Variants in PLA2G6 observed in about 807,000 individuals in gnomAD.
PLA2G6 encodes phospholipase A2 group VI.
A neutral mutation model predicts 83.8 loss-of-function variants in PLA2G6; 62 were observed. The observed-to-expected ratio is 0.74, with a 90% confidence interval of 0.60 to 0.91. The LOEUF (loss-of-function observed/expected upper bound fraction) is 0.91. PLA2G6 is among the 40% of genes least tolerant of loss of function. The probability of loss-of-function intolerance (pLI) is 0.00; values close to 1 mark genes in which losing one functional copy is unlikely to be tolerated. For synonymous variants in PLA2G6, 417 were observed against 449.8 expected, an observed-to-expected ratio of 0.93 and a Z score of 0.92; for missense variants, 944 against 1,102.0, an observed-to-expected ratio of 0.86 and a Z score of 2.03.
chr22:38,132,370 G>A lies in PLA2G6; in HGVS notation c.1077+461C>T. The stretch of plus-strand genomic sequence containing the variant: ...GCAACACGCGGACCAGTGAAGGGAA[G>A]CAGGATGCTCACTCGGGCCAGGTAC... On this transcript the variant is annotated intron_variant, in intron 7 of 16. Coordinates refer to ENST00000332509, the MANE Select transcript of PLA2G6 (RefSeq NM_003560.4). This position sits in a 1 kb window ranked among gnomAD's most constrained non-coding sequence, Gnocchi z 5.0. 1 of 316,572 alleles carries A rather than the reference G, an allele frequency of 3.2e-6. No homozygotes were observed. Among genetic ancestry groups the A allele is most frequent in the South Asian group, 2.6e-5 (1 of 38,960 alleles). The allele number at this position is 316,572 out of a possible 1,614,324, so 19.6% of individuals were successfully genotyped here.
At chr22:38,147,901 CAT>C (rs1288068414) in intron 2 of PLA2G6, 1 of 153,332 alleles carries the variant, frequency 6.5e-6, no homozygotes, top group Non-Finnish European at 1.5e-5. Flanking sequence ...AAAGTAAAAA[CAT>C]AGAATAAGGA....
intron 5 of PLA2G6, chr22:38,139,415 T>C (rs1053808932): frequency 6.8e-6 from 1 of 147,342 alleles, no homozygotes; most frequent in Admixed American, 6.8e-5. Flanking sequence ...ATAAATTTAT[T>C]TTTATTTATT....
chr22:38,170,441 G>A (rs2090395815), intron 1 of PLA2G6, among the ~76,000 whole-genome samples: 1 of 152,042 alleles, frequency 6.6e-6, no homozygotes, highest in Admixed American at 6.6e-5. Flanking sequence ...TGCAGGGGCA[G>A]GTGGGGGAGC....
intron 8 of PLA2G6, among the ~76,000 whole-genome samples, chr22:38,129,240 T>C (rs910809673): frequency 1.3e-5 from 2 of 152,220 alleles, no homozygotes; most frequent in African/African-American, 2.4e-5. Context: ...GATGCTGGTA[T>C]AGCAAGCCCC....
Position 38,112,572 on chromosome 22 carries a change from C to A in PLA2G6, c.2208G>T (p.Thr736=). The A allele has an allele frequency of 1.3e-6, 2 of 1,551,528 alleles. No homozygotes were observed. The highest frequency in any genetic ancestry group is 8.7e-7 in the Non-Finnish European group (1 of 1,148,312). Reference sequence around the variant, plus strand: ...GGTCCACAGCCCGCCCGTCTGGATCCGTGCACTGGTGAGAAGCAGCCTTGG... The same window carrying A: ...GGTCCACAGCCCGCCCGTCTGGATCAGTGCACTGGTGAGAAGCAGCCTTGG... ...ELGKMVVDCC[T]DPDGRAVDRA... is the part of the protein sequence containing the mutation. The change falls in exon 16 of 17, where the codon ACG becomes ACT. Residue 736 remains threonine, a synonymous_variant. Coordinates refer to ENST00000332509, the MANE Select transcript of PLA2G6 (RefSeq NM_003560.4).
chr22:38,180,108 C>T lies in PLA2G6; in HGVS notation c.-46+1556G>A, dbSNP rs144514634. On this transcript the variant is annotated intron_variant, in intron 1 of 16. Coordinates refer to ENST00000332509, the MANE Select transcript of PLA2G6 (RefSeq NM_003560.4). Reference sequence around the variant, plus strand: ...CCCCTTACTCCTTGCCTACCTACTTCCCCCAGCACACACACCCAATAGATG... The same window carrying T: ...CCCCTTACTCCTTGCCTACCTACTTTCCCCAGCACACACACCCAATAGATG... Among the ~76,000 whole-genome samples the T allele has an allele frequency of 3.6e-3, 550 of 151,474 alleles. 6 individuals carry two copies. Among genetic ancestry groups the T allele is most frequent in the African/African-American group, 0.013 (529 of 41,178 alleles).
rs1176124240 is a variant in PLA2G6, at chr22:38,123,454, G to T, written c.1428-196C>A. Reference sequence around the variant, plus strand: ...AGGAACAAATGTCTAGTATTTCAGGGGCTGGAGAGTGCAACAGAGAAAGGG... The same window carrying T: ...AGGAACAAATGTCTAGTATTTCAGGTGCTGGAGAGTGCAACAGAGAAAGGG... On this transcript the variant is annotated intron_variant, in intron 10 of 16. Coordinates refer to ENST00000332509, the MANE Select transcript of PLA2G6 (RefSeq NM_003560.4). The surrounding 1 kb of genome is among the most constrained non-coding windows in gnomAD (Gnocchi z 4.1). Among the ~76,000 whole-genome samples, 1 of 152,174 alleles carries T rather than the reference G, an allele frequency of 6.6e-6. No homozygotes were observed. Among genetic ancestry groups the T allele is most frequent in the Non-Finnish European group, 1.5e-5 (1 of 68,034 alleles).
Position 38,127,909 on chromosome 22 carries a change from G to A in PLA2G6, c.1348+360C>T, listed in dbSNP as rs2087966698. Among the ~76,000 whole-genome samples, 3 of 152,318 alleles carry A rather than the reference G, an allele frequency of 2.0e-5. No individual in the cohort carries two copies. The South Asian group carries it at 6.2e-4, about 32-fold the overall frequency. ...GAAGCCAGAGGGACAGGTGAAGCCAGAGGGCCCGGGCCCCCAGTCCCCCGA... is the reference window on the plus strand; with the variant it reads ...GAAGCCAGAGGGACAGGTGAAGCCAAAGGGCCCGGGCCCCCAGTCCCCCGA... On this transcript the variant is annotated intron_variant, in intron 9 of 16. Coordinates refer to ENST00000332509, the MANE Select transcript of PLA2G6 (RefSeq NM_003560.4).
At chr22:38,155,378 G>A in intron 2 of PLA2G6, among the ~76,000 whole-genome samples, 1 of 152,146 alleles carries the variant, frequency 6.6e-6, no homozygotes, top group Non-Finnish European at 1.5e-5. Context: ...AATGGTAATA[G>A]CAAGTACACA....
intron 1 of PLA2G6, among the ~76,000 whole-genome samples, chr22:38,172,811 C>T (rs1294226469): frequency 1.3e-5 from 2 of 152,242 alleles, no homozygotes; most frequent in South Asian, 2.1e-4. Context: ...ATTCCACACA[C>T]CCCTTCGTCA....
intron 15 of PLA2G6, 99 bp downstream of exon 15, chr22:38,113,388 G>T: frequency 8.6e-7 from 1 of 1,169,426 alleles, no homozygotes; most frequent in Non-Finnish European, 1.3e-6. Context: ...GAGCCCTGCT[G>T]TCTCCTCCAA....
At chr22:38,177,319 G>C (rs574701555) in intron 1 of PLA2G6, among the ~76,000 whole-genome samples, 1 of 151,986 alleles carries the variant, frequency 6.6e-6, no homozygotes, top group South Asian at 2.1e-4. Context: ...TGTTCCCTCT[G>C]ACCCCAGCTC....
At chr22:38,178,291 TC>T (rs1399847223) in intron 1 of PLA2G6, among the ~76,000 whole-genome samples, 1 of 152,112 alleles carries the variant, frequency 6.6e-6, no homozygotes, top group Non-Finnish European at 1.5e-5. Flanking sequence ...AACAGACTGG[TC>T]AGGCACGGCA....
At chr22:38,112,667 G>A in intron 15 of PLA2G6, 90 bp from the exon 16 acceptor site, 1 of 1,102,200 alleles carries the variant, frequency 9.1e-7, no homozygotes, top group Non-Finnish European at 1.3e-6. Flanking sequence ...CGGAGCCCCA[G>A]CCTGGGGAGC....
intron 9 of PLA2G6, chr22:38,127,118 G>A (rs1218359774): frequency 1.8e-6 from 2 of 1,116,684 alleles, no homozygotes; most frequent in Non-Finnish European, 2.2e-6. Flanking sequence ...CCAGGTGCCT[G>A]GTGCAGCAGC....
rs138486952 is a variant in PLA2G6, at chr22:38,125,586, C to T, written c.1427+785G>A. 96 of 451,020 alleles carry T rather than the reference C, an allele frequency of 2.1e-4. 1 individual carries two copies. The East Asian group carries it at 4.9e-3, about 23-fold the overall frequency. The allele number at this position is 451,020 out of a possible 1,614,324, so 27.9% of individuals were successfully genotyped here. On this transcript the variant is annotated intron_variant, in intron 10 of 16. Coordinates refer to ENST00000332509, the MANE Select transcript of PLA2G6 (RefSeq NM_003560.4). ...AACCCAGAGAGAGCCTGCGGTAGCA[C>T]AAAGGACGTGGGTTCGGAAGACCCG... is the stretch of plus-strand genomic sequence containing the variant.
At chr22:38,170,307 C>T (rs1247510128) in intron 1 of PLA2G6, among the ~76,000 whole-genome samples, 2 of 152,014 alleles carry the variant, frequency 1.3e-5, no homozygotes, top group South Asian at 2.1e-4. Flanking sequence ...CACACTCTAT[C>T]GGAGCAAGGG....
chr22:38,161,254 GA>G (rs1213607606), intron 2 of PLA2G6, among the ~76,000 whole-genome samples: 8 of 152,266 alleles, frequency 5.3e-5, no homozygotes, highest in Admixed American at 5.2e-4. Flanking sequence ...TAGAGGCTAG[GA>G]AGTCTATGAT....
At chr22:38,143,370 G>T in intron 3 of PLA2G6, 82 bp from the exon 4 acceptor site, 1 of 1,350,930 alleles carries the variant, frequency 7.4e-7, no homozygotes, top group Non-Finnish European at 1.0e-6. Context: ...ATGCAGGGAA[G>T]TGCACTCGGA....
Sources: gnomAD v4.1 joint callset for allele counts (sites outside exome capture counted in the v4.1 genomes callset) on GRCh38, gnomAD v4.1.1 for gene constraint, Gnocchi (gnomAD v3.1) non-coding constraint, MANE v1.5 for transcripts, NCBI Gene and HGNC (gene_info 2026-07-23, HGNC 2026-07-21) for gene names.